Variants in KANK1 observed in about 807,000 individuals in gnomAD.
KANK1 encodes KN motif and ankyrin repeat domains 1, also known as KN motif and ankyrin repeat domain-containing protein 1.
A neutral mutation model predicts 106.2 loss-of-function variants in KANK1; 109 were observed. The ratio of observed to expected loss-of-function variants is 1.03; its 90% CI spans 0.88 to 1.20. KANK1 has a LOEUF of 1.20. Ranked by LOEUF, KANK1 falls within the 50% of genes most tolerant of loss-of-function variation. KANK1 has a pLI of 0.00. For missense variants in KANK1, 2,399 were observed against 1,710.7 expected, an observed-to-expected ratio of 1.40 and a Z score of -7.10; for synonymous variants, 873 against 652.2, an observed-to-expected ratio of 1.34 and a Z score of -5.16.
At chr9:732,846 C>G in intron 6 of KANK1, 1 of 399,890 alleles carries the variant, frequency 2.5e-6, no homozygotes, top group Non-Finnish European at 4.5e-6. Flanking sequence ...GAAACCTTAA[C>G]TCTGCTATAT....
intron 3 of KANK1, chr9:495,245 C>T (rs1315791725): frequency 6.6e-6 from 1 of 152,254 alleles, no homozygotes; most frequent in African/African-American, 2.4e-5. Flanking sequence ...CAGCATTCTC[C>T]TCCCCTCCTC....
At chr9:547,330 G>C (rs1018628930) in intron 1 of KANK1, 1 of 152,134 alleles carries the variant, frequency 6.6e-6, no homozygotes, top group African/African-American at 2.4e-5. Context: ...GAACTGTCTC[G>C]GAAAGCCCTG....
rs761212457 is a variant in KANK1 at position 713,226 on chromosome 9, G to A, written c.2460G>A (p.Met820Ile). ...NPQPQAPLGMMTGLDHYIERI... is the reference protein window; with the variant it reads ...NPQPQAPLGMITGLDHYIERI... ...AGCCTCAAGCTCCACTTGGAATGATGACTGGCCTGGATCACTACATTGAGC... is the reference window on the plus strand; with the variant it reads ...AGCCTCAAGCTCCACTTGGAATGATAACTGGCCTGGATCACTACATTGAGC... Residue 820 changes from methionine (M) to isoleucine (I), a missense_variant, in exon 3 of 12, where the codon ATG becomes ATA. Physicochemically the swap from Met to Ile is conservative, Grantham distance 10 (BLOSUM62 1). Coordinates refer to ENST00000382297, the MANE Select transcript of KANK1 (RefSeq NM_015158.5). 1.0e-5 allele frequency: 16 copies of A among 1,599,184 alleles called. No individual in the cohort carries two copies. Among genetic ancestry groups the A allele is most frequent in the African/African-American group, 5.4e-5 (4 of 74,624 alleles).
intron 1 of KANK1, among the ~76,000 whole-genome samples, chr9:671,820 C>T (rs1199232560): frequency 1.3e-5 from 2 of 151,142 alleles, no homozygotes; most frequent in African/African-American, 2.4e-5. Flanking sequence ...TGGTGGTACA[C>T]ACCTGTAATC....
chr9:513,909 TG>T (rs1269264820), intron 1 of KANK1, among the ~76,000 whole-genome samples: 1 of 152,094 alleles, frequency 6.6e-6, no homozygotes, highest in Non-Finnish European at 1.5e-5. Context: ...CCCAGCTACT[TG>T]GGAGGCTGTG....
In KANK1 at chr9:738,491, G is replaced by T. The variant is rs771879466; in HGVS notation, c.3540G>T (p.Leu1180=). 2 of 1,613,790 alleles carry T rather than the reference G, an allele frequency of 1.2e-6. No homozygotes were observed. Among genetic ancestry groups the T allele is most frequent in the Non-Finnish European group, 1.7e-6 (2 of 1,179,664 alleles). The part of the protein sequence containing the change: ...VSHSNFEIVK[L]LLDADVCNVD... ...ACTCCAACTTCGAGATTGTGAAGCT[G>T]CTGTTAGATGCCGGTATGTTGGCTG... Residue 1180 remains leucine, a synonymous_variant, in exon 8 of 12, where the codon CTG becomes CTT. Transcript: ENST00000382297.
intron 1 of KANK1, among the ~76,000 whole-genome samples, chr9:517,524 G>C (rs991157639): frequency 3.3e-5 from 5 of 151,664 alleles, no homozygotes; most frequent in Admixed American, 3.3e-4. Flanking sequence ...CCTACTGTTA[G>C]GATATTCATG....
intron 1 of KANK1, among the ~76,000 whole-genome samples, chr9:514,374 T>C (rs1289968347): frequency 1.3e-5 from 2 of 148,938 alleles, no homozygotes; most frequent in South Asian, 2.1e-4. Flanking sequence ...TGTTATGAGA[T>C]GGTTCAGCTC....
intron 1 of KANK1, among the ~76,000 whole-genome samples, chr9:539,292 T>C (rs2060463538): frequency 6.6e-6 from 1 of 152,162 alleles, no homozygotes; most frequent in Admixed American, 6.5e-5. Flanking sequence ...AAAAATTACA[T>C]TGGAATTTTA....
intron 1 of KANK1, among the ~76,000 whole-genome samples, chr9:655,227 C>T (rs10975598): frequency 0.42 from 64,451 of 151,702 alleles, 15,888 homozygotes; most frequent in African/African-American, 0.66. Flanking sequence ...AGAAATTAGT[C>T]GGGCATGATG....
chr9:644,939 G>A (rs1381386137), intron 1 of KANK1, among the ~76,000 whole-genome samples: 2 of 150,402 alleles, frequency 1.3e-5, no homozygotes, highest in Non-Finnish European at 2.9e-5. Flanking sequence ...TGGGCAACAT[G>A]GTGAAACCCT....
At chr9:550,187 T>TC (rs201286005) in intron 1 of KANK1, among the ~76,000 whole-genome samples, 79 of 152,088 alleles carry the variant, frequency 5.2e-4, no homozygotes, top group African/African-American at 1.8e-3. Flanking sequence ...TGTGGTAGGT[T>TC]CCCCCACCCC....
intron 1 of KANK1, among the ~76,000 whole-genome samples, chr9:564,489 A>G (rs914935043): frequency 6.6e-6 from 1 of 152,248 alleles, no homozygotes; most frequent in Non-Finnish European, 1.5e-5. Flanking sequence ...ATACGTGTAC[A>G]TATCTCTATT....
chr9:664,446 A>C (rs1276701054), intron 1 of KANK1, among the ~76,000 whole-genome samples: 2 of 152,052 alleles, frequency 1.3e-5, no homozygotes, highest in Non-Finnish European at 2.9e-5. Context: ...TATTTTTACC[A>C]CACTTTCTTT....
At chr9:686,440 C>T (rs778590496) in intron 2 of KANK1, among the ~76,000 whole-genome samples, 4 of 152,158 alleles carry the variant, frequency 2.6e-5, no homozygotes, top group African/African-American at 4.8e-5. Context: ...AACCGGTGCC[C>T]CACCTCTTCA....
chr9:686,695 AG>A (rs1237411072), intron 2 of KANK1: 6 of 916,112 alleles, frequency 6.5e-6, no homozygotes, highest in Non-Finnish European at 7.8e-6. Context: ...TGGCAGTGTG[AG>A]GGGAAATGGC....
chr9:741,878 C>T (rs1162308072), intron 9 of KANK1, among the ~76,000 whole-genome samples: 4 of 152,042 alleles, frequency 2.6e-5, no homozygotes, highest in Non-Finnish European at 4.4e-5. Flanking sequence ...CTCAGCCTCC[C>T]AAAGTGCTAG....
At chr9:684,191 G>A (rs1818103536) in intron 2 of KANK1, 2 of 985,284 alleles carry the variant, frequency 2.0e-6, no homozygotes, top group African/African-American at 1.7e-5. Flanking sequence ...CAAGCCTTGA[G>A]CCAGTCATAA....
At chr9:541,031 C>A (rs9299011) in intron 1 of KANK1, among the ~76,000 whole-genome samples, 30,195 of 151,882 alleles carry the variant, frequency 0.2, 3,319 homozygotes, top group East Asian at 0.32. Flanking sequence ...TGTATTTGAG[C>A]TCTTTCTTCC....
Sources: allele counts gnomAD v4.1 joint callset (sites outside exome capture counted in the v4.1 genomes callset), GRCh38; gene constraint gnomAD v4.1.1; transcripts MANE v1.5; gene names NCBI Gene and HGNC (gene_info 2026-07-23, HGNC 2026-07-21).